Variants in MELK observed in about 807,000 individuals in gnomAD.
The protein encoded by MELK is pEg3 kinase.
Under a neutral mutation model 85.0 loss-of-function variants are expected in MELK, and 81 were observed. That is an observed-to-expected ratio of 0.95 (90% confidence interval 0.80 to 1.15). MELK has a LOEUF of 1.15. Ranked by LOEUF, MELK falls within the 50% of genes most tolerant of loss-of-function variation. The pLI is 0.00. For synonymous variants in MELK, 252 were observed against 265.0 expected (o/e 0.95, Z 0.48); for missense variants, 754 against 777.5 (o/e 0.97, Z 0.36).
chr9:36,614,641 T>C (rs944184052), intron 8 of MELK, among the ~76,000 whole-genome samples: 1 of 114,768 alleles, frequency 8.7e-6, no homozygotes, highest in Non-Finnish European at 1.7e-5. Context: ...TGATGACTCT[T>C]AACGAGCATG....
In MELK at chr9:36,597,291, G is replaced by C; in HGVS notation, c.474+1G>C. On this transcript the variant is annotated splice_donor_variant, in intron 6 of 17. Coordinates refer to ENST00000298048, the MANE Select transcript of MELK (RefSeq NM_014791.4). LOFTEE classifies it high-confidence loss of function. Reference sequence around the variant, plus strand: ...CTTTGGTCTCTGTGCAAAACCCAAGGTAAGTGCAGAAATAAGATGCATCTA... The same window carrying C: ...CTTTGGTCTCTGTGCAAAACCCAAGCTAAGTGCAGAAATAAGATGCATCTA... 1 of 1,610,554 alleles carries C rather than the reference G, an allele frequency of 6.2e-7. No homozygotes were observed. Among genetic ancestry groups the C allele is most frequent in the Non-Finnish European group, 8.5e-7 (1 of 1,177,000 alleles).
intron 7 of MELK, among the ~76,000 whole-genome samples, chr9:36,603,335 G>C (rs962025248): frequency 1.3e-5 from 2 of 152,008 alleles, no homozygotes; most frequent in African/African-American, 2.4e-5. Context: ...TCACAGTCCT[G>C]ATCATGCTTT....
intron 11 of MELK, among the ~76,000 whole-genome samples, chr9:36,643,853 GA>G (rs1226582027): frequency 6.6e-6 from 1 of 150,414 alleles, no homozygotes; most frequent in Non-Finnish European, 1.5e-5. Flanking sequence ...AGAATGGTGT[GA>G]ACCTGGGAGG....
At chr9:36,622,025 T>C (rs1827500572) in intron 8 of MELK, among the ~76,000 whole-genome samples, 1 of 152,208 alleles carries the variant, frequency 6.6e-6, no homozygotes, top group Non-Finnish European at 1.5e-5. Flanking sequence ...GGAATGAATA[T>C]GGTAGAAAAT....
In MELK at chr9:36,633,111, A is replaced by G; in HGVS notation, c.745A>G (p.Lys249Glu). 6.2e-7 allele frequency: 1 copy of G among 1,609,386 alleles called. No individual in the cohort carries two copies. The highest frequency in any genetic ancestry group is 2.2e-5 in the East Asian group (1 of 44,796). The change falls in exon 10 of 18, where the codon AAG (lysine) becomes GAG (glutamate). Residue 249 changes from lysine (K) to glutamate (E), a missense_variant. Lys to Glu is a moderately conservative substitution (Grantham distance 56). Coordinates refer to ENST00000298048, the MANE Select transcript of MELK (RefSeq NM_014791.4). ...TTTTAATGGCCACTAGGTGGACCCAAAGAAACGGATTTCTATGAAAAATCT... is the reference window on the plus strand; with the variant it reads ...TTTTAATGGCCACTAGGTGGACCCAGAGAAACGGATTTCTATGAAAAATCT... ...LLQQMLQVDP[K>E]KRISMKNLLN... is the part of the protein sequence containing the mutation.
At chr9:36,628,484 A>G (rs1828156500) in intron 8 of MELK, among the ~76,000 whole-genome samples, 1 of 151,868 alleles carries the variant, frequency 6.6e-6, no homozygotes, top group Non-Finnish European at 1.5e-5. Context: ...CAGTGGCGTA[A>G]TCTCAGCTCA....
At chr9:36,646,654 A>G (rs781220301) in intron 11 of MELK, among the ~76,000 whole-genome samples, 3 of 152,098 alleles carry the variant, frequency 2.0e-5, no homozygotes, top group Non-Finnish European at 4.4e-5. Context: ...GACCTTCACT[A>G]AGGGTCACAT....
chr9:36,584,451 G>T (rs534149908), intron 3 of MELK, among the ~76,000 whole-genome samples: 2 of 149,520 alleles, frequency 1.3e-5, no homozygotes, highest in African/African-American at 4.9e-5. Flanking sequence ...CTGAGTAGCT[G>T]GGACTACAGG....
chr9:36,613,818 G>A (rs920035463), intron 8 of MELK, among the ~76,000 whole-genome samples: 1 of 152,144 alleles, frequency 6.6e-6, no homozygotes, highest in Non-Finnish European at 1.5e-5. Flanking sequence ...CAAGTGAGGA[G>A]GGCAGTAGGA....
intron 2 of MELK, among the ~76,000 whole-genome samples, chr9:36,582,749 G>A (rs941075535): frequency 1.3e-5 from 2 of 152,076 alleles, no homozygotes; most frequent in Admixed American, 6.6e-5. Context: ...TTTATTGATG[G>A]GTTGGAGTGC....
intron 10 of MELK, among the ~76,000 whole-genome samples, chr9:36,640,764 A>C (rs544056690): frequency 1.3e-5 from 2 of 152,154 alleles, no homozygotes; most frequent in Admixed American, 6.6e-5. Flanking sequence ...GGCCTCTTTT[A>C]TAAGTGTAAT....
chr9:36,653,857 C>G (rs1830957812), intron 12 of MELK, among the ~76,000 whole-genome samples: 1 of 151,934 alleles, frequency 6.6e-6, no homozygotes, highest in African/African-American at 2.4e-5. Context: ...CCCTCAAATT[C>G]CTTTAATATC....
At chr9:36,597,312 A>G (rs1175600113) in intron 6 of MELK, 22 bp downstream of exon 6, 2 of 1,586,850 alleles carry the variant, frequency 1.3e-6, no homozygotes. Context: ...AATAAGATGC[A>G]TCTATGTTCT....
At position 36,608,663 on chromosome 9, in the gene MELK, C is replaced by T. The variant is rs149539601; in HGVS notation, c.666+990C>T. ...ATGGTGCGATCTTGGCTCACCGCAACCTCTGCTTCCCAGGTTCAAGCGATT... is the reference window on the plus strand; with the variant it reads ...ATGGTGCGATCTTGGCTCACCGCAATCTCTGCTTCCCAGGTTCAAGCGATT... On this transcript the variant is annotated intron_variant, in intron 8 of 17. Coordinates refer to ENST00000298048, the MANE Select transcript of MELK (RefSeq NM_014791.4). Among the ~76,000 whole-genome samples the T allele has an allele frequency of 7.3e-3, 1,113 of 152,060 alleles. 29 individuals are homozygous for T. The East Asian group carries it at 0.094, about 13-fold the overall frequency.
At chr9:36,595,012 C>T (rs1410649875) in intron 5 of MELK, among the ~76,000 whole-genome samples, 2 of 149,306 alleles carry the variant, frequency 1.3e-5, no homozygotes, top group South Asian at 2.1e-4. Flanking sequence ...CTGCGACCTC[C>T]GCCTCCCGGA....
intron 10 of MELK, among the ~76,000 whole-genome samples, chr9:36,636,782 T>TTCTTTTTTTCTG (rs71494635): frequency 2.8e-5 from 3 of 107,622 alleles, no homozygotes; most frequent in African/African-American, 1.2e-4. Flanking sequence ...CTTTCTTTCT[T>TTCTTTTTTTCTG]TCTGTCTGTC....
At position 36,664,150 on chromosome 9, in the gene MELK, T is replaced by G. The variant is rs1832116291; in HGVS notation, c.1177-1200T>G. On this transcript the variant is annotated intron_variant, in intron 13 of 17. Transcript: ENST00000298048. ...CTTTTCATTTTTATCATGTTTTTAT[T>G]TCTAGAAGTTTTTATTCTTTTTCAA... 2.6e-5 allele frequency among the ~76,000 whole-genome samples: 4 copies of G among 152,208 alleles called. No individual in the cohort carries two copies. The South Asian group carries it at 8.3e-4, about 32-fold the overall frequency.
At chr9:36,593,778 G>C (rs1033487259) in intron 4 of MELK, among the ~76,000 whole-genome samples, 2 of 152,108 alleles carry the variant, frequency 1.3e-5, no homozygotes, top group Admixed American at 1.3e-4. Context: ...TGCAACCTCT[G>C]CCTCCCGGGT....
intron 7 of MELK, among the ~76,000 whole-genome samples, chr9:36,605,805 CT>C (rs1278436719): frequency 6.6e-6 from 1 of 151,592 alleles, no homozygotes; most frequent in Non-Finnish European, 1.5e-5. Context: ...TCTTTCTTTT[CT>C]TTCTTTGTTT....
Sources: gnomAD v4.1 joint callset for allele counts (sites outside exome capture counted in the v4.1 genomes callset) on GRCh38, gnomAD v4.1.1 for gene constraint, MANE v1.5 for transcripts, NCBI Gene and HGNC (gene_info 2026-07-23, HGNC 2026-07-21) for gene names.